RBMS3: variants seen among roughly 807,000 people sequenced by gnomAD.
RBMS3 encodes the protein RNA binding motif single stranded interacting protein 3, also known as RNA-binding motif, single-stranded-interacting protein 3.
RBMS3 carries 27 observed loss-of-function variants against 66.8 expected under a neutral mutation model. That is an observed-to-expected ratio of 0.40 (90% CI 0.30 to 0.56). The LOEUF (loss-of-function observed/expected upper bound fraction) is 0.56. RBMS3 is among the 20% of genes least tolerant of loss of function. The probability of loss-of-function intolerance (pLI) is 0.40; values close to 1 mark genes in which losing one functional copy is unlikely to be tolerated. For synonymous variants in RBMS3, 188 were observed against 183.0 expected (o/e 1.03, Z -0.22); for missense variants, 513 against 549.5 (o/e 0.93, Z 0.66).
At chr3:29,763,960 A>G (rs1407978104) in intron 6 of RBMS3, among the ~76,000 whole-genome samples, 2 of 152,054 alleles carry the variant, frequency 1.3e-5, no homozygotes, top group Non-Finnish European at 2.9e-5. Flanking sequence ...CTTGATTTCA[A>G]TACCGTTTGC....
chr3:29,608,664 G>A (rs2048391507), intron 4 of RBMS3, among the ~76,000 whole-genome samples: 1 of 151,990 alleles, frequency 6.6e-6, no homozygotes, highest in Non-Finnish European at 1.5e-5. Flanking sequence ...GAGCTGAGAT[G>A]AGAGAAGAAT....
intron 12 of RBMS3, among the ~76,000 whole-genome samples, chr3:29,977,394 T>C (rs532395891): frequency 6.6e-6 from 1 of 152,152 alleles, no homozygotes; most frequent in Non-Finnish European, 1.5e-5. Context: ...GAAAAGAGTG[T>C]AAATCTAGAA....
At chr3:29,936,379 C>T (rs1003803573) in intron 11 of RBMS3, among the ~76,000 whole-genome samples, 183 bp downstream of exon 11, 1 of 152,130 alleles carries the variant, frequency 6.6e-6, no homozygotes, top group African/African-American at 2.4e-5. Flanking sequence ...CACATGTACT[C>T]ACAGTGGCAA....
intron 1 of RBMS3, among the ~76,000 whole-genome samples, chr3:29,370,258 G>A (rs4505653): frequency 0.75 from 113,499 of 152,130 alleles, 42,577 homozygotes; most frequent in African/African-American, 0.81. Context: ...ACTTTGTTGA[G>A]CCTATGAACC....
intron 6 of RBMS3, among the ~76,000 whole-genome samples, chr3:29,828,131 T>C (rs1276507716): frequency 6.6e-6 from 1 of 152,014 alleles, no homozygotes; most frequent in Non-Finnish European, 1.5e-5. Context: ...CACAGAACTG[T>C]TCAGCTACCA....
intron 1 of RBMS3, among the ~76,000 whole-genome samples, chr3:29,322,632 A>C (rs920848869): frequency 8.6e-5 from 13 of 152,024 alleles, no homozygotes; most frequent in Admixed American, 1.3e-4. Context: ...ACGAAAAAAA[A>C]AAATGGCCAT....
At chr3:29,436,109 A>C (rs956384169) in intron 2 of RBMS3, among the ~76,000 whole-genome samples, 1 of 152,170 alleles carries the variant, frequency 6.6e-6, no homozygotes, top group Admixed American at 6.5e-5. Context: ...AAAAACTATT[A>C]CTCAATTGTT....
chr3:29,791,633 T>C (rs1318557135), intron 6 of RBMS3, among the ~76,000 whole-genome samples: 3 of 152,302 alleles, frequency 2.0e-5, no homozygotes, highest in Admixed American at 1.3e-4. Context: ...CATAGTGTGG[T>C]TGAACCGATC....
intron 1 of RBMS3, among the ~76,000 whole-genome samples, chr3:29,361,383 T>A (rs764400606): frequency 4.0e-5 from 6 of 150,828 alleles, no homozygotes; most frequent in African/African-American, 7.5e-5. Context: ...ACCCCCACTC[T>A]CTTCTGGCTT....
At position 29,554,766 on chromosome 3, in the gene RBMS3, T is replaced by C. The variant is rs189638747; in HGVS notation, c.308-32348T>C. 6.4e-4 allele frequency among the ~76,000 whole-genome samples: 97 copies of C among 152,328 alleles called. No homozygotes were observed. In the East Asian group the frequency reaches 0.016, roughly 25 times the overall value. On this transcript the variant is annotated intron_variant, in intron 3 of 14. Transcript: ENST00000383767. ...CAGATATAAGAAACTATGAGTCATC[T>C]GGTACGGGTGGCTTATATGAGATGA... is the stretch of plus-strand genomic sequence containing the variant.
At chr3:29,783,801 C>T (rs1485874618) in intron 6 of RBMS3, among the ~76,000 whole-genome samples, 2 of 152,162 alleles carry the variant, frequency 1.3e-5, no homozygotes, top group East Asian at 3.9e-4. Flanking sequence ...CTTCAGGAGA[C>T]TCATCTAACA....
rs374299758 is a variant in RBMS3 at position 29,281,670 on chromosome 3, G to C, written c.-12G>C. The C allele has an allele frequency of 1.9e-6, 3 of 1,612,076 alleles. No homozygotes were observed. The highest frequency in any genetic ancestry group is 2.5e-6 in the Non-Finnish European group (3 of 1,178,488). On this transcript the variant is annotated 5_prime_UTR_variant, in exon 1 of 15. Coordinates refer to ENST00000383767, the MANE Select transcript of RBMS3 (RefSeq NM_001003793.3). ...TCCAGTTCCCTGCCTCGGAGATAAA[G>C]ATTCCAGCTACATGGGCAAACGCCT...
intron 3 of RBMS3, among the ~76,000 whole-genome samples, chr3:29,493,766 G>A (rs1473030970): frequency 1.3e-5 from 2 of 152,124 alleles, no homozygotes; most frequent in Non-Finnish European, 2.9e-5. Context: ...AATTCCAGAT[G>A]AAAATAGTGA....
At chr3:29,578,862 C>T (rs1219980486) in intron 3 of RBMS3, among the ~76,000 whole-genome samples, 6 of 134,582 alleles carry the variant, frequency 4.5e-5, no homozygotes, top group Non-Finnish European at 7.6e-5. Context: ...ACTGCAGTGG[C>T]GCAATCTCGG....
chr3:29,945,008 A>G (rs1695203604), intron 12 of RBMS3, among the ~76,000 whole-genome samples: 1 of 151,662 alleles, frequency 6.6e-6, no homozygotes. Flanking sequence ...TTTCATTTTG[A>G]TTTTGAATTT....
At chr3:29,615,470 GCACACACACACA>G (rs112880454) in intron 4 of RBMS3, among the ~76,000 whole-genome samples, 1 of 144,414 alleles carries the variant, frequency 6.9e-6, no homozygotes, top group Non-Finnish European at 1.5e-5. Flanking sequence ...ACTACAGTTA[GCACACACACACA>G]CACACACACA....
chr3:29,996,578 A>C (rs1219295364), intron 14 of RBMS3, among the ~76,000 whole-genome samples: 5 of 150,124 alleles, frequency 3.3e-5, no homozygotes, highest in Non-Finnish European at 5.9e-5. Context: ...CTCTCAGACC[A>C]CAGTGCAATC....
At position 29,739,840 on chromosome 3, in the gene RBMS3, G is replaced by C. The variant is rs547027047; in HGVS notation, c.520G>C (p.Asp174His). ...TGTCATTTCCACAAGAATACTAAGA[G>C]ACGCTAATGGAGTCAGCAGAGGTGT... ...GHVISTRILR[D>H]ANGVSRGVGF... Residue 174 changes from aspartate to histidine, a missense_variant, in exon 5 of 15, where the codon GAC (aspartate) becomes CAC (histidine). Physicochemically the swap from Asp to His is moderately conservative, Grantham distance 81. Coordinates refer to ENST00000383767, the MANE Select transcript of RBMS3 (RefSeq NM_001003793.3). 1 of 1,611,488 alleles carries C rather than the reference G, an allele frequency of 6.2e-7. No homozygotes were observed. The highest frequency in any genetic ancestry group is 1.1e-5 in the South Asian group (1 of 90,506).
chr3:29,602,447 C>G (rs1160208835), intron 4 of RBMS3, among the ~76,000 whole-genome samples: 1 of 151,994 alleles, frequency 6.6e-6, no homozygotes, highest in Non-Finnish European at 1.5e-5. Context: ...ATTTGTTTAA[C>G]TGATGGCTGG....
Sources: gnomAD v4.1 joint callset for allele counts (sites outside exome capture counted in the v4.1 genomes callset) on GRCh38, gnomAD v4.1.1 for gene constraint, MANE v1.5 for transcripts, NCBI Gene and HGNC (gene_info 2026-07-23, HGNC 2026-07-21) for gene names.